The following LRRFIP2 variants were observed in gnomAD, a reference collection of about 807,000 sequenced individuals.
LRRFIP2 encodes LRR binding FLII interacting protein 2, also known as leucine-rich repeat flightless-interacting protein 2.
Under a neutral mutation model 125.9 loss-of-function variants are expected in LRRFIP2, and 109 were observed. That is an observed-to-expected ratio of 0.87 (90% CI 0.74 to 1.01). The LOEUF (loss-of-function observed/expected upper bound fraction) is 1.01. Among genes scored for constraint, LRRFIP2 ranks in the 50% least tolerant of loss-of-function variants. The pLI, the probability that LRRFIP2 is intolerant of heterozygous loss-of-function variation, is 0.00. For synonymous variants in LRRFIP2, 291 were observed against 293.1 expected (o/e 0.99, Z 0.07); for missense variants, 850 against 862.3 (o/e 0.99, Z 0.18).
chr3:37,161,899 C>T (rs2096356411), intron 1 of LRRFIP2, among the ~76,000 whole-genome samples: 1 of 151,010 alleles, frequency 6.6e-6, no homozygotes, highest in African/African-American at 2.4e-5. Context: ...AAAGAGAAAA[C>T]AGGCTGGGTG....
Position 37,104,043 on chromosome 3 carries a change from T to C in LRRFIP2, c.784-1030A>G, listed in dbSNP as rs577096282. On this transcript the variant is annotated intron_variant, in intron 14 of 27. Coordinates refer to ENST00000336686, the MANE Select transcript of LRRFIP2 (RefSeq NM_006309.4). ...TCAAGGAAGGGAATTCAGAAGCCCA[T>C]CCACAGAGATAAAACAGGCTTACAA... Among the ~76,000 whole-genome samples the C allele has an allele frequency of 6.6e-5, 10 of 152,192 alleles. No individual in the cohort carries two copies. The East Asian group carries it at 1.7e-3, about 26-fold the overall frequency.
chr3:37,055,205 G>GAC, intron 25 of LRRFIP2, 40 bp from the exon 26 acceptor site: 1 of 1,247,906 alleles, frequency 8.0e-7, no homozygotes, highest in Non-Finnish European at 1.1e-6. Flanking sequence ...TCACCTGTCA[G>GAC]AGATGACAGT....
intron 1 of LRRFIP2, among the ~76,000 whole-genome samples, chr3:37,166,604 TC>T (rs1433386535): frequency 1.3e-5 from 2 of 152,070 alleles, no homozygotes; most frequent in African/African-American, 4.8e-5. Context: ...ACATACGTAA[TC>T]CCAGCACTTT....
chr3:37,151,042 A>G (rs920110516), intron 1 of LRRFIP2, among the ~76,000 whole-genome samples: 2 of 152,176 alleles, frequency 1.3e-5, no homozygotes, highest in African/African-American at 2.4e-5. Flanking sequence ...ATATCTGGAT[A>G]TGATTATTAA....
chr3:37,128,615 C>T (rs1421999717), intron 3 of LRRFIP2, among the ~76,000 whole-genome samples: 1 of 152,052 alleles, frequency 6.6e-6, no homozygotes, highest in Admixed American at 6.5e-5. Context: ...TGGGGTCCTA[C>T]AAATTTTATT....
chr3:37,110,788 T>C (rs1339683561), intron 9 of LRRFIP2, among the ~76,000 whole-genome samples: 1 of 152,250 alleles, frequency 6.6e-6, no homozygotes, highest in African/African-American at 2.4e-5. Flanking sequence ...ATGTCTTTAA[T>C]GGTACTGATT....
chr3:37,173,541 C>G (rs2096615172), intron 1 of LRRFIP2, among the ~76,000 whole-genome samples: 1 of 152,176 alleles, frequency 6.6e-6, no homozygotes. Flanking sequence ...GACCATCTCT[C>G]AATTTAGATG....
intron 18 of LRRFIP2, among the ~76,000 whole-genome samples, chr3:37,085,312 C>T (rs533355322): frequency 3.9e-4 from 59 of 152,086 alleles, no homozygotes; most frequent in African/African-American, 1.4e-3. Flanking sequence ...GAGTTCAAGA[C>T]CAGCTTGACC....
intron 2 of LRRFIP2, among the ~76,000 whole-genome samples, chr3:37,138,084 G>A (rs770367085): frequency 2.0e-5 from 3 of 152,064 alleles, no homozygotes; most frequent in Non-Finnish European, 4.4e-5. Context: ...CTATTCCATC[G>A]TGGAATTAAT....
chr3:37,161,260 C>T (rs1045235123), intron 1 of LRRFIP2, among the ~76,000 whole-genome samples: 2 of 150,742 alleles, frequency 1.3e-5, no homozygotes, highest in African/African-American at 4.9e-5. Context: ...GAGGCTGAGG[C>T]ATGAGAATCA....
chr3:37,133,513 A>G (rs1478309923), intron 2 of LRRFIP2, among the ~76,000 whole-genome samples: 1 of 152,254 alleles, frequency 6.6e-6, no homozygotes, highest in Non-Finnish European at 1.5e-5. Context: ...TGAATCTTGA[A>G]GACATTATAC....
At chr3:37,123,481 G>A (rs1180130122) in intron 4 of LRRFIP2, among the ~76,000 whole-genome samples, 1 of 152,168 alleles carries the variant, frequency 6.6e-6, no homozygotes, top group Non-Finnish European at 1.5e-5. Context: ...GAGCCACCAT[G>A]CCTGGCCACT....
intron 16 of LRRFIP2, among the ~76,000 whole-genome samples, chr3:37,096,072 C>T (rs1471260940): frequency 6.6e-6 from 1 of 152,170 alleles, no homozygotes; most frequent in Admixed American, 6.6e-5. Context: ...TTTAAACTTA[C>T]ATATAAGTTC....
At chr3:37,073,459 T>G (rs914793669) in intron 20 of LRRFIP2, among the ~76,000 whole-genome samples, 1 of 152,222 alleles carries the variant, frequency 6.6e-6, no homozygotes, top group African/African-American at 2.4e-5. Context: ...AATTAGGCAA[T>G]GGTGCTTAAC....
intron 2 of LRRFIP2, among the ~76,000 whole-genome samples, chr3:37,131,395 T>C (rs755657010): frequency 2.0e-5 from 3 of 152,176 alleles, no homozygotes; most frequent in Non-Finnish European, 4.4e-5. Context: ...TAAAATTCCA[T>C]GCTTCTCTCA....
chr3:37,149,277 C>T (rs1465172294), intron 1 of LRRFIP2, among the ~76,000 whole-genome samples: 1 of 152,178 alleles, frequency 6.6e-6, no homozygotes, highest in African/African-American at 2.4e-5. Flanking sequence ...AAGCTGCCAT[C>T]AGCAGAAATT....
At chr3:37,114,450 G>A (rs952743152) in intron 7 of LRRFIP2, among the ~76,000 whole-genome samples, 4 of 152,088 alleles carry the variant, frequency 2.6e-5, no homozygotes, top group Non-Finnish European at 5.9e-5. Context: ...ATGACAATGA[G>A]TATATGTTAG....
chr3:37,165,795 G>GAGAAAGAAAGAAAAAA (rs1553838139), intron 1 of LRRFIP2, among the ~76,000 whole-genome samples: 1,881 of 17,980 alleles, frequency 0.1, 79 homozygotes, highest in African/African-American at 0.17. Flanking sequence ...GAGAAAGAAA[G>GAGAAAGAAAGAAAAAA]AGAAAGAAAG....
intron 6 of LRRFIP2, among the ~76,000 whole-genome samples, chr3:37,118,806 C>A (rs1333143765): frequency 6.6e-6 from 1 of 152,198 alleles, no homozygotes; most frequent in African/African-American, 2.4e-5. Context: ...AAGTATTAGA[C>A]CTCTTAGTAC....
Sources: gnomAD v4.1 joint callset for allele counts (sites outside exome capture counted in the v4.1 genomes callset) on GRCh38, gnomAD v4.1.1 for gene constraint, MANE v1.5 for transcripts, NCBI Gene and HGNC (gene_info 2026-07-23, HGNC 2026-07-21) for gene names.